PTBP2: variants seen among roughly 807,000 people sequenced by gnomAD.
The protein encoded by PTBP2 is polypyrimidine tract-binding protein 2.
PTBP2 carries 13 observed loss-of-function variants against 61.4 expected under a neutral mutation model. The ratio of observed to expected loss-of-function variants is 0.21; its 90% CI spans 0.14 to 0.34. The LOEUF (loss-of-function observed/expected upper bound fraction) is 0.34, where lower values mean the gene tolerates loss of function less well. Ranked by LOEUF, PTBP2 falls within the 10% of genes least tolerant of loss-of-function variation. The probability of loss-of-function intolerance (pLI) is 1.00; values close to 1 mark genes in which losing one functional copy is unlikely to be tolerated. For missense variants in PTBP2, 405 were observed against 642.6 expected, an observed-to-expected ratio of 0.63 and a Z score of 4.00; for synonymous variants, 215 against 218.5, an observed-to-expected ratio of 0.98 and a Z score of 0.14.
intron 8 of PTBP2, among the ~76,000 whole-genome samples, chr1:96,800,654 A>G (rs1374976404): frequency 1.3e-5 from 2 of 152,166 alleles, no homozygotes; most frequent in Non-Finnish European, 2.9e-5. Flanking sequence ...GGATTGCCTG[A>G]GCCCAGAAGA....
exon 14 of PTBP2, chr1:96,822,527 A>G (rs1366106636): frequency 6.6e-6 from 1 of 152,242 alleles, no homozygotes; most frequent in East Asian, 1.9e-4. Context: ...GAGAAGGGAC[A>G]GGGTTGACAT....
intron 1 of PTBP2, among the ~76,000 whole-genome samples, chr1:96,723,233 G>A (rs1649879179): frequency 6.6e-6 from 1 of 152,200 alleles, no homozygotes; most frequent in African/African-American, 2.4e-5. Context: ...TTCCTGTGGA[G>A]ACTACTAAAG....
chr1:96,743,927 C>A (rs1317578499), intron 2 of PTBP2, among the ~76,000 whole-genome samples: 1 of 152,004 alleles, frequency 6.6e-6, no homozygotes, highest in African/African-American at 2.4e-5. Flanking sequence ...AGCCTGTAAT[C>A]CCAGCATTTT....
chr1:96,747,081 C>G (rs991481974), intron 2 of PTBP2, among the ~76,000 whole-genome samples: 1 of 151,726 alleles, frequency 6.6e-6, no homozygotes, highest in Non-Finnish European at 1.5e-5. Flanking sequence ...ACAATCCTTT[C>G]TCCCTCCCCC....
chr1:96,779,175 G>T (rs1340810159), intron 7 of PTBP2, among the ~76,000 whole-genome samples: 1 of 151,990 alleles, frequency 6.6e-6, no homozygotes, highest in African/African-American at 2.4e-5. Context: ...TTAATAATTA[G>T]AATTCTTTTT....
At chr1:96,733,698 T>A (rs1427686784) in intron 2 of PTBP2, among the ~76,000 whole-genome samples, 1 of 151,904 alleles carries the variant, frequency 6.6e-6, no homozygotes, top group Non-Finnish European at 1.5e-5. Flanking sequence ...TTCCTGAGGG[T>A]CAAATGAAGT....
rs143210328 is a variant in PTBP2 at position 96,754,447 on chromosome 1, T to C, written c.115+2947T>C. 1.4e-3 allele frequency among the ~76,000 whole-genome samples: 214 copies of C among 152,296 alleles called. 1 individual carries two copies. The highest frequency in any genetic ancestry group is 4.9e-3 in the African/African-American group (204 of 41,568). Reference sequence around the variant, plus strand: ...GAATTCTTCAGTGGTAAGGTTCTTATATTTTACCTGAAGTGATACAGTGTT... The same window carrying C: ...GAATTCTTCAGTGGTAAGGTTCTTACATTTTACCTGAAGTGATACAGTGTT... On this transcript the variant is annotated intron_variant, in intron 3 of 13. Coordinates refer to ENST00000674951, the MANE Select transcript of PTBP2 (RefSeq NM_021190.4).
At chr1:96,752,903 T>C (rs967304823) in intron 3 of PTBP2, among the ~76,000 whole-genome samples, 8 of 152,100 alleles carry the variant, frequency 5.3e-5, no homozygotes, top group Admixed American at 1.3e-4. Context: ...GTAAGTATCA[T>C]GAACACTCTG....
chr1:96,736,008 A>C (rs1652113546), intron 2 of PTBP2, among the ~76,000 whole-genome samples: 1 of 152,208 alleles, frequency 6.6e-6, no homozygotes, highest in Admixed American at 6.5e-5. Context: ...AGAAAGTCCT[A>C]ATATGCTTCA....
chr1:96,742,630 C>T (rs1310248601), intron 2 of PTBP2, among the ~76,000 whole-genome samples: 1 of 145,206 alleles, frequency 6.9e-6, no homozygotes, highest in Non-Finnish European at 1.5e-5. Flanking sequence ...AAAATGCATT[C>T]AAGGTTAAAG....
At chr1:96,818,193 G>A (rs1571059906), downstream of PTBP2, 1 of 151,978 alleles carries the variant, frequency 6.6e-6, no homozygotes, top group East Asian at 1.9e-4. Context: ...GAAAGACTAT[G>A]TGGCATCTCT....
chr1:96,748,119 A>T (rs929094886), intron 2 of PTBP2, among the ~76,000 whole-genome samples: 1 of 151,932 alleles, frequency 6.6e-6, no homozygotes, highest in African/African-American at 2.4e-5. Flanking sequence ...TCAGGAACTT[A>T]ATATTTGTGT....
downstream of PTBP2, chr1:96,818,373 C>T (rs1406213900): frequency 3.3e-5 from 5 of 152,108 alleles, no homozygotes; most frequent in East Asian, 1.9e-4. Flanking sequence ...ACCCAATTCT[C>T]ATCTCCTTTA....
intron 5 of PTBP2, chr1:96,771,102 G>T: frequency 3.4e-6 from 1 of 295,536 alleles, no homozygotes. Context: ...TATCAGGTAG[G>T]ATTTATTATT....
At chr1:96,783,747 A>G (rs1422329591) in intron 7 of PTBP2, among the ~76,000 whole-genome samples, 1 of 152,070 alleles carries the variant, frequency 6.6e-6, no homozygotes, top group Non-Finnish European at 1.5e-5. Flanking sequence ...ACCTATCTTC[A>G]GTGCTTTCTT....
intron 2 of PTBP2, among the ~76,000 whole-genome samples, chr1:96,742,167 T>C (rs138648704): frequency 1.3e-3 from 194 of 152,320 alleles, no homozygotes; most frequent in African/African-American, 4.0e-3. Flanking sequence ...CAAAATAAAA[T>C]GGCAATTTTT....
intron 2 of PTBP2, among the ~76,000 whole-genome samples, chr1:96,730,377 T>G (rs1056482700): frequency 3.3e-5 from 5 of 152,200 alleles, no homozygotes; most frequent in Non-Finnish European, 5.9e-5. Context: ...TTCACGGCAT[T>G]CCTCAAATTT....
At chr1:96,799,145 G>A (rs1018797030) in intron 8 of PTBP2, among the ~76,000 whole-genome samples, 2 of 152,122 alleles carry the variant, frequency 1.3e-5, no homozygotes, top group Admixed American at 1.3e-4. Context: ...AGATTACTGA[G>A]TCACTCAAAA....
chr1:96,754,960 T>G (rs1445153168), intron 3 of PTBP2, among the ~76,000 whole-genome samples: 1 of 152,164 alleles, frequency 6.6e-6, no homozygotes, highest in Non-Finnish European at 1.5e-5. Flanking sequence ...GTATTTGATA[T>G]GACCCTAAAA....
Sources: allele counts gnomAD v4.1 joint callset (sites outside exome capture counted in the v4.1 genomes callset), GRCh38; gene constraint gnomAD v4.1.1; transcripts MANE v1.5; gene names NCBI Gene and HGNC (gene_info 2026-07-23, HGNC 2026-07-21).